Variants in TEP1 observed in about 807,000 individuals in gnomAD.
The protein encoded by TEP1 is telomerase protein component 1.
TEP1 carries 241 observed loss-of-function variants against 306.3 expected under a neutral mutation model. The observed-to-expected ratio is 0.79, with a 90% CI of 0.71 to 0.88. TEP1 has a LOEUF of 0.88. Ranked by LOEUF, TEP1 falls within the 40% of genes least tolerant of loss-of-function variation. TEP1 has a pLI of 0.00. For missense variants in TEP1, 3,051 were observed against 3,276.1 expected (o/e 0.93, Z 1.68); for synonymous variants, 1,289 against 1,305.5 (o/e 0.99, Z 0.27).
intron 1 of TEP1, among the ~76,000 whole-genome samples, chr14:20,410,802 GTTTTTTTTTT>G (rs61662364): frequency 7.9e-5 from 2 of 25,222 alleles, no homozygotes; most frequent in African/African-American, 2.2e-4. Flanking sequence ...CTCCTTTGTG[GTTTTTTTTTT>G]TTTTTTTTTT....
At chr14:20,387,501 G>A (rs996884705) in intron 18 of TEP1, among the ~76,000 whole-genome samples, 8 of 145,364 alleles carry the variant, frequency 5.5e-5, no homozygotes, top group Non-Finnish European at 1.0e-4. Context: ...GCAGTGAGCC[G>A]AGATCACGCC....
intron 44 of TEP1, 26 bp from the exon 45 acceptor site, chr14:20,373,836 C>CACA (rs1555320869): frequency 2.5e-6 from 4 of 1,608,390 alleles, no homozygotes; most frequent in Non-Finnish European, 3.4e-6. Flanking sequence ...AAGATCAGAG[C>CACA]AGAGTCATAT....
In TEP1 at chr14:20,405,696, G is replaced by A. The variant is rs1594375925; in HGVS notation, c.736-111C>T. On this transcript the variant is annotated intron_variant, in intron 3 of 54. Transcript: ENST00000262715. ...AGGACAGAGAGAATGGACCCGAGAT[G>A]TGGAGTCCAGTTGAGAACTTACAAA... 38 of 1,271,586 alleles carry A rather than the reference G, an allele frequency of 3.0e-5. No homozygotes were observed. The East Asian group carries it at 9.3e-4, about 31-fold the overall frequency. The allele number at this position is 1,271,586 out of a possible 1,614,324, so 78.8% of individuals were successfully genotyped here.
At chr14:20,412,922 G>A (rs1879788499) in intron 1 of TEP1, among the ~76,000 whole-genome samples, 1 of 151,892 alleles carries the variant, frequency 6.6e-6, no homozygotes, top group African/African-American at 2.4e-5. Flanking sequence ...GCCTCCCAAA[G>A]TGCTGGGATT....
intron 29 of TEP1, 35 bp downstream of exon 29, chr14:20,382,189 C>T (rs1207959607): frequency 1.2e-6 from 2 of 1,614,032 alleles, no homozygotes; most frequent in Non-Finnish European, 1.7e-6. Flanking sequence ...AACCCTGGCC[C>T]TCAGCCTCCC....
intron 20 of TEP1, 148 bp from the exon 21 acceptor site, chr14:20,385,257 GT>G (rs1193160516): frequency 3.6e-5 from 34 of 951,378 alleles, no homozygotes; most frequent in Non-Finnish European, 4.8e-5. Context: ...AATAGCTAAT[GT>G]TTTTTATTTA....
At chr14:20,368,759 C>T (rs770182518) in intron 54 of TEP1, 39 bp downstream of exon 54, 27 of 1,532,502 alleles carry the variant, frequency 1.8e-5, no homozygotes, top group East Asian at 1.1e-4. Flanking sequence ...GGTGTGCAGG[C>T]GCACGCACAC....
chr14:20,376,720 C>G (rs755974681), intron 41 of TEP1, among the ~76,000 whole-genome samples: 1 of 152,120 alleles, frequency 6.6e-6, no homozygotes, highest in Non-Finnish European at 1.5e-5. Flanking sequence ...AAGTCTCCCA[C>G]GGGGCAGAAA....
At chr14:20,408,499 C>A in intron 1 of TEP1, 36 bp from the exon 2 acceptor site, 1 of 1,515,796 alleles carries the variant, frequency 6.6e-7, no homozygotes, top group Admixed American at 1.9e-5. Context: ...GAGCACCTGG[C>A]TGCACTGAGC....
At chr14:20,377,816 G>T in intron 39 of TEP1, 63 bp from the exon 40 acceptor site, 1 of 1,590,574 alleles carries the variant, frequency 6.3e-7, no homozygotes, top group South Asian at 1.1e-5. Flanking sequence ...TTCCTGTTTT[G>T]AGTTACAGCC....
intron 4 of TEP1, 85 bp from the exon 5 acceptor site, chr14:20,404,857 C>G: frequency 6.8e-7 from 1 of 1,462,292 alleles, no homozygotes; most frequent in Admixed American, 2.3e-5. Flanking sequence ...TTGAGTGTGC[C>G]TGTATAAAAC....
chr14:20,373,542 G>GC lies in TEP1; in HGVS notation c.6645dup (p.Leu2216AlafsTer43), dbSNP rs1566440995. 9.9e-6 allele frequency: 16 copies of GC among 1,614,090 alleles called. No individual in the cohort carries two copies. Among genetic ancestry groups the GC allele is most frequent in the Admixed American group, 1.7e-5 (1 of 60,002 alleles). ...TGCCATAACCGTGTGGCCCCATCTA[G>GC]CCCGACGGTTACCACCAGAAGCTCT... is the stretch of plus-strand genomic sequence containing the variant. On this transcript the variant is annotated frameshift_variant, in exon 46 of 55. Coordinates refer to ENST00000262715, the MANE Select transcript of TEP1 (RefSeq NM_007110.5). LOFTEE classifies it high-confidence loss of function.
At chr14:20,389,556 G>A in intron 16 of TEP1, 54 bp downstream of exon 16, 1 of 1,603,238 alleles carries the variant, frequency 6.2e-7, no homozygotes, top group Non-Finnish European at 8.5e-7. Flanking sequence ...GGCGTAGAGA[G>A]GAAATGTAGA....
chr14:20,375,752 C>A lies in TEP1; in HGVS notation c.6363+3G>T. ...TCTGTGCCACCCCTGGCCCTTTACT[C>A]ACCAGTAGGTTATCTTTGGTCCAGG... On this transcript the variant is annotated splice_donor_region_variant and intron_variant, in intron 43 of 54. Coordinates refer to ENST00000262715, the MANE Select transcript of TEP1 (RefSeq NM_007110.5). The A allele has an allele frequency of 1.2e-6, 2 of 1,609,462 alleles. No individual in the cohort carries two copies. The highest frequency in any genetic ancestry group is 2.2e-5 in the South Asian group (2 of 90,910).
intron 38 of TEP1, 62 bp downstream of exon 38, chr14:20,378,318 T>A (rs746395991): frequency 1.2e-6 from 2 of 1,611,864 alleles, no homozygotes; most frequent in African/African-American, 2.7e-5. Flanking sequence ...CTGTCTGTCG[T>A]CTGCCACCCT....
At chr14:20,391,455 G>A (rs1248473871) in intron 13 of TEP1, 144 bp downstream of exon 13, 2 of 962,970 alleles carry the variant, frequency 2.1e-6, no homozygotes, top group African/African-American at 3.3e-5. Context: ...AGGAACCAAG[G>A]ACTGATACTT....
chr14:20,391,214 A>C (rs1442321106), intron 13 of TEP1, 118 bp from the exon 14 acceptor site: 1 of 1,104,002 alleles, frequency 9.1e-7, no homozygotes, highest in Non-Finnish European at 1.3e-6. Flanking sequence ...AAAGTGTAAA[A>C]TCCCAAGTTA....
rs1401042399 is a variant in TEP1, at chr14:20,380,397, G to A, written c.4841C>T (p.Ala1614Val). Residue 1614 changes from alanine (A) to valine (V), a missense_variant, in exon 34 of 55, where the codon GCT becomes GTT. Physicochemically the swap from Ala to Val is moderately conservative, Grantham distance 64 (BLOSUM62 0). This residue lies in a region of TEP1 where 1,540 missense variants were observed against 1,705.9 expected (regional missense o/e 0.90). Coordinates refer to ENST00000262715, the MANE Select transcript of TEP1 (RefSeq NM_007110.5). ...AVFRTFLRQQ[A>V]SILSQYPRLL... ...CCGGGGGTACTGGCTGAGGATTGAAGCCTGCTGCCTCAGGAAGGTGCGAAA... is the reference window on the plus strand; with the variant it reads ...CCGGGGGTACTGGCTGAGGATTGAAACCTGCTGCCTCAGGAAGGTGCGAAA... 3.7e-6 allele frequency: 6 copies of A among 1,614,094 alleles called. No homozygotes were observed. Among genetic ancestry groups the A allele is most frequent in the African/African-American group, 1.3e-5 (1 of 74,948 alleles).
chr14:20,376,096 C>T lies in TEP1; in HGVS notation c.6249+8G>A. On this transcript the variant is annotated splice_region_variant and intron_variant, in intron 42 of 54. Coordinates refer to ENST00000262715, the MANE Select transcript of TEP1 (RefSeq NM_007110.5). ...GGGACCCCAGGGTTGCATCCTTCTG[C>T]AGCTCACCCGATCCCGGCCCCCGGT... 3 of 1,613,058 alleles carry T rather than the reference C, an allele frequency of 1.9e-6. No individual in the cohort carries two copies. Among genetic ancestry groups the T allele is most frequent in the Non-Finnish European group, 1.7e-6 (2 of 1,179,596 alleles).
Sources: gnomAD v4.1 joint callset for allele counts (sites outside exome capture counted in the v4.1 genomes callset) on GRCh38, gnomAD v4.1.1 for gene constraint, gnomAD v4.1.1 regional missense constraint, MANE v1.5 for transcripts, NCBI Gene and HGNC (gene_info 2026-07-23, HGNC 2026-07-21) for gene names.